The following CCDC30 variants were observed in gnomAD, a reference collection of about 807,000 sequenced individuals.
CCDC30 encodes the protein coiled-coil domain-containing protein 30.
A neutral mutation model predicts 100.2 loss-of-function variants in CCDC30; 70 were observed. That is an observed-to-expected ratio of 0.70 (90% confidence interval 0.58 to 0.85). The LOEUF (loss-of-function observed/expected upper bound fraction) is 0.85, where lower values mean the gene tolerates loss of function less well. Ranked by LOEUF, CCDC30 falls within the 40% of genes least tolerant of loss-of-function variation. The pLI is 0.00. For synonymous variants in CCDC30, 233 were observed against 269.5 expected (o/e 0.86, Z 1.33); for missense variants, 652 against 771.2 (o/e 0.85, Z 1.83).
intron 10 of CCDC30, among the ~76,000 whole-genome samples, chr1:42,601,992 T>G (rs552275663): frequency 2.6e-5 from 4 of 152,294 alleles, no homozygotes; most frequent in African/African-American, 9.6e-5. Context: ...TGAAAATTTT[T>G]TAAATCAAAC....
chr1:42,571,903 A>G (rs142781029), intron 7 of CCDC30, among the ~76,000 whole-genome samples: 2 of 152,348 alleles, frequency 1.3e-5, no homozygotes, highest in East Asian at 3.9e-4. Context: ...TTAACAGCAC[A>G]TTATTTCAGA....
chr1:42,543,811 A>G (rs1645065974), intron 6 of CCDC30, among the ~76,000 whole-genome samples: 1 of 152,222 alleles, frequency 6.6e-6, no homozygotes, highest in Non-Finnish European at 1.5e-5. Context: ...ATGAGATTAT[A>G]GTCCATTTTA....
At chr1:42,577,887 G>A (rs893455605) in intron 8 of CCDC30, among the ~76,000 whole-genome samples, 10 of 152,038 alleles carry the variant, frequency 6.6e-5, no homozygotes, top group Admixed American at 3.3e-4. Flanking sequence ...TGATCCACCC[G>A]CCTCGGCCTC....
intron 15 of CCDC30, among the ~76,000 whole-genome samples, chr1:42,647,138 A>C (rs1294289434): frequency 6.6e-6 from 1 of 152,114 alleles, no homozygotes; most frequent in Non-Finnish European, 1.5e-5. Context: ...AAAAAATAAA[A>C]GTCAGCAAGT....
chr1:42,582,025 C>G (rs984631060), intron 9 of CCDC30, among the ~76,000 whole-genome samples: 27 of 146,446 alleles, frequency 1.8e-4, no homozygotes, highest in African/African-American at 6.9e-4. Flanking sequence ...AGTTTGAGAC[C>G]AGCCTGGGCA....
At chr1:42,484,020 A>G (rs1017871785) in intron 3 of CCDC30, among the ~76,000 whole-genome samples, 6 of 152,072 alleles carry the variant, frequency 3.9e-5, no homozygotes, top group African/African-American at 1.4e-4. Flanking sequence ...TTAATCCGTG[A>G]CTGATTCTTT....
intron 11 of CCDC30, among the ~76,000 whole-genome samples, chr1:42,622,431 T>G (rs1646856644): frequency 6.6e-6 from 1 of 152,220 alleles, no homozygotes; most frequent in South Asian, 2.1e-4. Context: ...TATACTGATT[T>G]CCTTTCTTTT....
At chr1:42,491,959 T>G (rs1644150345) in intron 4 of CCDC30, 1 of 895,404 alleles carries the variant, frequency 1.1e-6, no homozygotes, top group Admixed American at 2.3e-5. Context: ...CTTGCTGATC[T>G]GCAGAATGAT....
chr1:42,641,215 TTGTGTGTGTGTGTGTGTGTG>T (rs71065188), intron 12 of CCDC30, among the ~76,000 whole-genome samples: 4 of 132,358 alleles, frequency 3.0e-5, no homozygotes, highest in East Asian at 2.3e-4. Flanking sequence ...CACATGGCTT[TTGTGTGTGTGTGTGTGTGTG>T]TGTGTGTGTG....
At position 42,577,270 on chromosome 1, in the gene CCDC30, C is replaced by T. The variant is rs546718444; in HGVS notation, c.846+41C>T. On this transcript the variant is annotated intron_variant, in intron 8 of 16. Coordinates refer to ENST00000668663, the Ensembl canonical transcript of CCDC30. ...CTTAATAAACAGCATACACTGAATA[C>T]CACTACTGAAATCTTATTTCCCTGA... The T allele has an allele frequency of 7.3e-6, 9 of 1,235,210 alleles. No individual in the cohort carries two copies. The African/African-American group carries it at 1.3e-4, about 18-fold the overall frequency. The allele number at this position is 1,235,210 out of a possible 1,614,324, so 76.5% of individuals were successfully genotyped here. A position where few individuals can be genotyped will look rare whatever the true frequency, so the allele number is the denominator to read the frequency against.
chr1:42,501,358 T>C (rs1469583553), intron 6 of CCDC30, among the ~76,000 whole-genome samples: 1 of 152,226 alleles, frequency 6.6e-6, no homozygotes, highest in Non-Finnish European at 1.5e-5. Context: ...CTGTATTCCA[T>C]TCTGTTAACC....
chr1:42,630,419 G>A (rs1256141439), intron 11 of CCDC30, among the ~76,000 whole-genome samples: 1 of 145,124 alleles, frequency 6.9e-6, no homozygotes, highest in African/African-American at 2.6e-5. Flanking sequence ...GTCTCGCTCT[G>A]TTGCCCAGGT....
intron 15 of CCDC30, 149 bp downstream of exon 19, chr1:42,646,466 C>A: frequency 9.0e-7 from 1 of 1,108,684 alleles, no homozygotes; most frequent in Non-Finnish European, 1.2e-6. Context: ...CTTGGGTTTC[C>A]TAGCCAGAAA....
At chr1:42,569,968 G>A (rs1365208877) in intron 7 of CCDC30, among the ~76,000 whole-genome samples, 1 of 152,112 alleles carries the variant, frequency 6.6e-6, no homozygotes, top group Non-Finnish European at 1.5e-5. Context: ...ACACACCAGG[G>A]CCTGTCAGTG....
intron 6 of CCDC30, among the ~76,000 whole-genome samples, chr1:42,536,090 A>G (rs1644899651): frequency 6.6e-6 from 1 of 152,228 alleles, no homozygotes; most frequent in African/African-American, 2.4e-5. Context: ...CATACTTACC[A>G]TAGTCTCTGA....
chr1:42,580,216 T>A lies in CCDC30; in HGVS notation c.847-1144T>A, dbSNP rs1423333248. Among the ~76,000 whole-genome samples the A allele has an allele frequency of 3.9e-5, 6 of 152,234 alleles. No individual in the cohort carries two copies. The East Asian group carries it at 7.7e-4, about 20-fold the overall frequency. On this transcript the variant is annotated intron_variant, in intron 8 of 16. Transcript: ENST00000668663. Reference sequence around the variant, plus strand: ...AGAATTCTCCCTAGACAGAACTAAATAGAACAGCTCCAAGGAACTTGAGCT... The same window carrying A: ...AGAATTCTCCCTAGACAGAACTAAAAAGAACAGCTCCAAGGAACTTGAGCT...
At chr1:42,468,227 A>T (rs1643654132) in intron 1 of CCDC30, among the ~76,000 whole-genome samples, 1 of 152,246 alleles carries the variant, frequency 6.6e-6, no homozygotes, top group Admixed American at 6.5e-5. Flanking sequence ...AGTCAAAAAT[A>T]AAACAATCTA....
In CCDC30 at chr1:42,556,099, C is replaced by T. The variant is rs527503742; in HGVS notation, c.457-10197C>T. 4.3e-5 allele frequency: 65 copies of T among 1,518,652 alleles called. No individual in the cohort carries two copies. The Admixed American group carries it at 1.0e-3, about 24-fold the overall frequency. The allele number at this position is 1,518,652 out of a possible 1,614,324, so 94.1% of individuals were successfully genotyped here. A position where few individuals can be genotyped will look rare whatever the true frequency, so the allele number is the denominator to read the frequency against. On this transcript the variant is annotated intron_variant, in intron 6 of 16. Coordinates refer to ENST00000668663, the Ensembl canonical transcript of CCDC30. ...GTCTTGACTTGTAGCTTTTTTTTCC[C>T]GATTCTACTACTATAATAAGCATTT...
intron 3 of CCDC30, among the ~76,000 whole-genome samples, chr1:42,488,485 T>C (rs931077357): frequency 6.6e-6 from 1 of 152,024 alleles, no homozygotes; most frequent in Non-Finnish European, 1.5e-5. Flanking sequence ...GGCTAAGTTT[T>C]AAATCTTTTG....
Sources: allele counts gnomAD v4.1 joint callset (sites outside exome capture counted in the v4.1 genomes callset), GRCh38; gene constraint gnomAD v4.1.1; transcripts MANE v1.5; gene names NCBI Gene and HGNC (gene_info 2026-07-23, HGNC 2026-07-21).